The following PPP1R12B variants were observed in gnomAD, a reference collection of about 807,000 sequenced individuals.
The protein encoded by PPP1R12B is myosin phosphatase target subunit 2.
PPP1R12B carries 76 observed loss-of-function variants against 126.1 expected under a neutral mutation model. That is an observed-to-expected ratio of 0.60 (90% CI 0.50 to 0.73). PPP1R12B has a LOEUF of 0.73. Among genes scored for constraint, PPP1R12B ranks in the 30% least tolerant of loss-of-function variants. The pLI, the probability that PPP1R12B is intolerant of heterozygous loss-of-function variation, is 0.00. For synonymous variants in PPP1R12B, 356 were observed against 434.7 expected, an observed-to-expected ratio of 0.82 and a Z score of 2.25; for missense variants, 1,052 against 1,205.1, an observed-to-expected ratio of 0.87 and a Z score of 1.88.
chr1:202,387,232 G>C (rs1403396087), intron 1 of PPP1R12B, among the ~76,000 whole-genome samples: 1 of 152,164 alleles, frequency 6.6e-6, no homozygotes, highest in Non-Finnish European at 1.5e-5. Flanking sequence ...GGCATACTCT[G>C]TCAACAACGT....
chr1:202,386,584 G>A (rs571150094), intron 1 of PPP1R12B, among the ~76,000 whole-genome samples: 4 of 151,778 alleles, frequency 2.6e-5, no homozygotes, highest in African/African-American at 9.7e-5. Context: ...CTCCCAAAGT[G>A]CTGGGATTAC....
chr1:202,574,964 C>T (rs1196786132), intron 23 of PPP1R12B: 5 of 1,542,568 alleles, frequency 3.2e-6, no homozygotes, highest in Non-Finnish European at 4.5e-6. Context: ...CTCTCTCTGT[C>T]TTTTCTGTCT....
intron 1 of PPP1R12B, chr1:202,409,986 A>G (rs1667177683): frequency 6.6e-6 from 1 of 152,092 alleles, no homozygotes; most frequent in Admixed American, 6.6e-5. Context: ...TTTTTGAATC[A>G]GGTTGTTTAT....
chr1:202,358,571 A>G lies in PPP1R12B; in HGVS notation c.291+9429A>G, dbSNP rs145879370. On this transcript the variant is annotated intron_variant, in intron 1 of 23. Transcript: ENST00000608999. Reference sequence around the variant, plus strand: ...GTCGCACGCGCCTGTTGTCCCAGCTACTCGGGAGACTGAGGCAGGAGAATC... The same window carrying G: ...GTCGCACGCGCCTGTTGTCCCAGCTGCTCGGGAGACTGAGGCAGGAGAATC... 4.1e-3 allele frequency among the ~76,000 whole-genome samples: 616 copies of G among 152,018 alleles called. 12 individuals are homozygous for G. In the East Asian group the frequency reaches 0.06, roughly 15 times the overall value.
intron 1 of PPP1R12B, among the ~76,000 whole-genome samples, chr1:202,397,536 T>C (rs976495790): frequency 1.1e-4 from 17 of 152,204 alleles, no homozygotes; most frequent in Non-Finnish European, 4.4e-5. Context: ...ATTATGATAT[T>C]CCTCAACCTT....
At chr1:202,498,882 A>G (rs199935899) in intron 18 of PPP1R12B, among the ~76,000 whole-genome samples, 3 of 152,192 alleles carry the variant, frequency 2.0e-5, no homozygotes, top group East Asian at 1.9e-4. Context: ...TTTTAGTTCA[A>G]TAAAACTATA....
rs1689816451 is a variant in PPP1R12B at position 202,586,428 on chromosome 1, C to G, written c.*5868C>G. On this transcript the variant is annotated 3_prime_UTR_variant, in exon 24 of 24. Transcript: ENST00000608999. ...TTTGTCACACAGAAATGAGTTCTGTCTCACTGGTGACTTCATCCCTCAGGC... is the reference window on the plus strand; with the variant it reads ...TTTGTCACACAGAAATGAGTTCTGTGTCACTGGTGACTTCATCCCTCAGGC... 1.3e-5 allele frequency: 2 copies of G among 152,252 alleles called. No individual in the cohort carries two copies. Among genetic ancestry groups the G allele is most frequent in the South Asian group, 4.1e-4 (2 of 4,826 alleles). 9.4% of individuals were successfully genotyped at this position (152,252 alleles called of 1,614,324 possible).
chr1:202,545,302 T>C (rs1685535489), intron 18 of PPP1R12B, among the ~76,000 whole-genome samples: 1 of 152,218 alleles, frequency 6.6e-6, no homozygotes, highest in South Asian at 2.1e-4. Flanking sequence ...GGAATAAAAG[T>C]AGCTTTCCCA....
At chr1:202,426,097 G>A (rs1217472230) in intron 4 of PPP1R12B, among the ~76,000 whole-genome samples, 3 of 152,160 alleles carry the variant, frequency 2.0e-5, no homozygotes, top group Non-Finnish European at 4.4e-5. Context: ...TGTGTCATTA[G>A]ATTAATTATA....
rs570846349 is a variant in PPP1R12B at position 202,439,528 on chromosome 1, G to T, written c.1459-1178G>T. The T allele has an allele frequency of 6.5e-6, 10 of 1,529,980 alleles. No homozygotes were observed. The Admixed American group carries it at 1.7e-4, about 26-fold the overall frequency. The allele number at this position is 1,529,980 out of a possible 1,614,324, so 94.8% of individuals were successfully genotyped here. On this transcript the variant is annotated intron_variant, in intron 10 of 23. Coordinates refer to ENST00000608999, the MANE Select transcript of PPP1R12B (RefSeq NM_002481.4). ...TTTGGGGCGACTGCTGTTGCCTTGG[G>T]GGGTGTGGCGCTCTCTGTGGTCACT...
At chr1:202,509,350 A>G (rs1208616173) in intron 18 of PPP1R12B, among the ~76,000 whole-genome samples, 1 of 152,210 alleles carries the variant, frequency 6.6e-6, no homozygotes, top group African/African-American at 2.4e-5. Flanking sequence ...TGAAGGAGAG[A>G]GGGGGAGTTG....
intron 12 of PPP1R12B, among the ~76,000 whole-genome samples, 188 bp downstream of exon 12, chr1:202,442,760 A>C (rs544647101): frequency 1.3e-5 from 2 of 152,298 alleles, no homozygotes; most frequent in South Asian, 4.1e-4. Flanking sequence ...AATTAAAGTA[A>C]GCTAATTTCA....
chr1:202,401,361 ATTTTTTTTTTTTTTTTTTTTTT>A (rs34810265), intron 1 of PPP1R12B, among the ~76,000 whole-genome samples: 1 of 71,426 alleles, frequency 1.4e-5, no homozygotes, highest in Admixed American at 2.1e-4. Context: ...GGCTAATTTA[ATTTTTTTTTTTTTTTTTTTTTT>A]TTTTTTTGTA....
intron 18 of PPP1R12B, among the ~76,000 whole-genome samples, chr1:202,532,143 T>C (rs1684021532): frequency 6.6e-6 from 1 of 152,174 alleles, no homozygotes; most frequent in Non-Finnish European, 1.5e-5. Flanking sequence ...TAGGGCAACT[T>C]CCTGATGTTG....
chr1:202,356,367 G>C (rs956682642), intron 1 of PPP1R12B, among the ~76,000 whole-genome samples: 1 of 152,042 alleles, frequency 6.6e-6, no homozygotes, highest in Non-Finnish European at 1.5e-5. Flanking sequence ...ACAGAGAAGA[G>C]CAGAAAACAC....
At chr1:202,540,272 A>T (rs1301737860) in intron 18 of PPP1R12B, 1 of 1,509,600 alleles carries the variant, frequency 6.6e-7, no homozygotes, top group South Asian at 1.1e-5. Flanking sequence ...ACGTATGTTC[A>T]TAGCTGTGTC....
intron 2 of PPP1R12B, among the ~76,000 whole-genome samples, chr1:202,420,209 G>A (rs916985547): frequency 2.0e-5 from 3 of 152,120 alleles, no homozygotes; most frequent in Non-Finnish European, 4.4e-5. Flanking sequence ...TTGCCTTCAA[G>A]TAGCTTTCAG....
At chr1:202,511,044 CATAAT>C (rs1483506384) in intron 18 of PPP1R12B, among the ~76,000 whole-genome samples, 2 of 145,564 alleles carry the variant, frequency 1.4e-5, no homozygotes, top group Non-Finnish European at 3.0e-5. Context: ...ACAATTATAT[CATAAT>C]ATAATAATAT....
chr1:202,383,145 G>A (rs1662614545), intron 1 of PPP1R12B, among the ~76,000 whole-genome samples: 1 of 152,096 alleles, frequency 6.6e-6, no homozygotes. Context: ...CTGCCTTAGG[G>A]TTTGGAATTT....
Sources: gnomAD v4.1 joint callset for allele counts (sites outside exome capture counted in the v4.1 genomes callset) on GRCh38, gnomAD v4.1.1 for gene constraint, MANE v1.5 for transcripts, NCBI Gene and HGNC (gene_info 2026-07-23, HGNC 2026-07-21) for gene names.